PTPN14: variants seen among roughly 807,000 people sequenced by gnomAD.
The protein encoded by PTPN14 is tyrosine-protein phosphatase non-receptor type 14.
Under a neutral mutation model 126.8 loss-of-function variants are expected in PTPN14, and 53 were observed. That is an observed-to-expected ratio of 0.42 (90% CI 0.34 to 0.53). PTPN14 has a LOEUF of 0.53. Ranked by LOEUF, PTPN14 falls within the 20% of genes least tolerant of loss-of-function variation. The pLI is 0.08. For missense variants in PTPN14, 1,257 were observed against 1,552.9 expected, an observed-to-expected ratio of 0.81 and a Z score of 3.20; for synonymous variants, 630 against 599.3, an observed-to-expected ratio of 1.05 and a Z score of -0.75.
chr1:214,370,727 C>T (rs991989526), intron 16 of PTPN14, among the ~76,000 whole-genome samples: 1 of 151,998 alleles, frequency 6.6e-6, no homozygotes, highest in African/African-American at 2.4e-5. Flanking sequence ...AGCTTTGCAC[C>T]GTTTTAAAAT....
intron 5 of PTPN14, among the ~76,000 whole-genome samples, chr1:214,404,708 A>G (rs1004636024): frequency 2.0e-5 from 3 of 152,130 alleles, no homozygotes; most frequent in Non-Finnish European, 2.9e-5. Flanking sequence ...GCCCTGTGGG[A>G]ATGAAAAATG....
intron 5 of PTPN14, among the ~76,000 whole-genome samples, chr1:214,411,081 G>C (rs76945509): frequency 6.6e-6 from 1 of 151,982 alleles, no homozygotes; most frequent in Admixed American, 6.5e-5. Context: ...CACGAAGATG[G>C]GGTATCTTTC....
chr1:214,408,438 C>T (rs1390837523), intron 5 of PTPN14, among the ~76,000 whole-genome samples: 1 of 152,168 alleles, frequency 6.6e-6, no homozygotes, highest in East Asian at 1.9e-4. Flanking sequence ...AACCAACAAA[C>T]CAACCAACAA....
At chr1:214,404,252 A>T (rs1344809036) in intron 5 of PTPN14, among the ~76,000 whole-genome samples, 2 of 152,234 alleles carry the variant, frequency 1.3e-5, no homozygotes, top group East Asian at 3.8e-4. Flanking sequence ...AGCTCTGCAC[A>T]TCCTGCTAAT....
chr1:214,402,165 C>T (rs182596318), intron 6 of PTPN14, among the ~76,000 whole-genome samples: 123 of 151,680 alleles, frequency 8.1e-4, no homozygotes, highest in Admixed American at 7.5e-3. Context: ...AGTCAAATGG[C>T]CGTGGCTCAT....
At chr1:214,473,491 A>T (rs1289621599) in intron 1 of PTPN14, among the ~76,000 whole-genome samples, 1 of 152,230 alleles carries the variant, frequency 6.6e-6, no homozygotes, top group Non-Finnish European at 1.5e-5. Context: ...TCACCAAAAG[A>T]AGCTAACTGC....
chr1:214,370,354 G>A (rs1007777363), intron 16 of PTPN14, among the ~76,000 whole-genome samples: 5 of 152,022 alleles, frequency 3.3e-5, no homozygotes, highest in Admixed American at 6.5e-5. Context: ...GGGGCCAGGC[G>A]ATCAGAGAGG....
chr1:214,523,616 C>A (rs896994019), intron 1 of PTPN14, among the ~76,000 whole-genome samples: 1 of 152,098 alleles, frequency 6.6e-6, no homozygotes. Flanking sequence ...TCAGAACATA[C>A]CCCCTTGTTA....
intron 3 of PTPN14, among the ~76,000 whole-genome samples, chr1:214,434,169 C>A (rs1254699989): frequency 6.6e-6 from 1 of 151,822 alleles, no homozygotes; most frequent in Non-Finnish European, 1.5e-5. Flanking sequence ...AGGCTAAAGA[C>A]AATTGAGCTG....
chr1:214,443,579 G>A (rs1016521197), intron 3 of PTPN14, among the ~76,000 whole-genome samples: 1 of 152,006 alleles, frequency 6.6e-6, no homozygotes, highest in Non-Finnish European at 1.5e-5. Flanking sequence ...ACAAGCAGAG[G>A]TGAACGAACA....
At chr1:214,505,463 G>T (rs982529837) in intron 1 of PTPN14, among the ~76,000 whole-genome samples, 100 of 152,310 alleles carry the variant, frequency 6.6e-4, no homozygotes, top group Non-Finnish European at 1.0e-3. Context: ...GGGGGGTGGG[G>T]TGGTCAGTGC....
intron 1 of PTPN14, among the ~76,000 whole-genome samples, chr1:214,493,969 T>G (rs1306697478): frequency 2.0e-5 from 3 of 152,176 alleles, no homozygotes; most frequent in African/African-American, 7.2e-5. Context: ...TCAATTTACG[T>G]GGACACATCA....
rs143441007 is a variant in PTPN14, at chr1:214,464,777, C to G, written c.27G>C (p.Arg9=). ...TGCTCAGGACGTTGTAGCGCCGTGTCCGGCGGAGCTTCAGACCAAAAGGCA... is the reference window on the plus strand; with the variant it reads ...TGCTCAGGACGTTGTAGCGCCGTGTGCGGCGGAGCTTCAGACCAAAAGGCA... MPFGLKLR[R]TRRYNVLSKN... Residue 9 remains arginine, a synonymous_variant, in exon 2 of 19, where the codon CGG becomes CGC. Coordinates refer to ENST00000366956, the MANE Select transcript of PTPN14 (RefSeq NM_005401.5). The G allele has an allele frequency of 8.7e-6, 14 of 1,614,156 alleles. No homozygotes were observed. Among genetic ancestry groups the G allele is most frequent in the Non-Finnish European group, 1.2e-5 (14 of 1,180,058 alleles).
Position 214,490,637 on chromosome 1 carries a change from G to A in PTPN14, c.-154-25680C>T, listed in dbSNP as rs114072884. On this transcript the variant is annotated intron_variant, in intron 1 of 18. Coordinates refer to ENST00000366956, the MANE Select transcript of PTPN14 (RefSeq NM_005401.5). ...AGATCATTTGAGGGCAGAAGTTCAC[G>A]ACCAGCCTAGCCAACATGGTGAAAC... Among the ~76,000 whole-genome samples the A allele has an allele frequency of 2.0e-3, 305 of 151,708 alleles. 3 individuals carry two copies. Among genetic ancestry groups the A allele is most frequent in the African/African-American group, 6.8e-3 (281 of 41,342 alleles).
rs755809821 is a variant in PTPN14, at chr1:214,384,008, A to G, written c.1847T>C (p.Val616Ala). The G allele has an allele frequency of 1.9e-6, 3 of 1,606,216 alleles. No individual in the cohort carries two copies. Among genetic ancestry groups the G allele is most frequent in the Non-Finnish European group, 2.5e-6 (3 of 1,178,922 alleles). ...CACCTCCTGGAGAGACTGATGAACC[A>G]CCGGAGAGCTGTCCTCTTGGAAGGT... is the stretch of plus-strand genomic sequence containing the variant. ...VKTFQEDSSP[V>A]VHQSLQEVSE... Residue 616 changes from valine to alanine, a missense_variant, in exon 13 of 19, where the codon GTG (valine) becomes GCG (alanine). Physicochemically the swap from Val to Ala is moderately conservative, Grantham distance 64 (BLOSUM62 0). Coordinates refer to ENST00000366956, the MANE Select transcript of PTPN14 (RefSeq NM_005401.5). This position sits in a 1 kb window ranked among gnomAD's most constrained non-coding sequence, Gnocchi z 5.3.
chr1:214,514,006 C>T (rs914082424), intron 1 of PTPN14, among the ~76,000 whole-genome samples: 1 of 152,252 alleles, frequency 6.6e-6, no homozygotes, highest in African/African-American at 2.4e-5. Context: ...AGGGCCTGCC[C>T]AATTGTGAAA....
intron 17 of PTPN14, 28 bp downstream of exon 17, chr1:214,369,429 G>T: frequency 6.3e-7 from 1 of 1,584,810 alleles, no homozygotes; most frequent in Non-Finnish European, 8.7e-7. Context: ...AGTCAGTCAG[G>T]TAGCAGACTG....
At chr1:214,443,585 G>A (rs1303040082) in intron 3 of PTPN14, among the ~76,000 whole-genome samples, 2 of 151,998 alleles carry the variant, frequency 1.3e-5, no homozygotes, top group African/African-American at 2.4e-5. Context: ...AGAGGTGAAC[G>A]AACAGAGATG....
intron 1 of PTPN14, among the ~76,000 whole-genome samples, chr1:214,520,065 A>AAAAAAAAAAAAAAAAATATATATATATAT: frequency 2.8e-5 from 2 of 71,112 alleles, no homozygotes; most frequent in African/African-American, 7.3e-5. Flanking sequence ...AAAAAAAAAA[A>AAAAAAAAAAAAAAAAATATATATATATAT]ATATATATAT....
Sources: gnomAD v4.1 joint callset for allele counts (sites outside exome capture counted in the v4.1 genomes callset) on GRCh38, gnomAD v4.1.1 for gene constraint, Gnocchi (gnomAD v3.1) non-coding constraint, MANE v1.5 for transcripts, NCBI Gene and HGNC (gene_info 2026-07-23, HGNC 2026-07-21) for gene names.